Variants in GALNT13 observed in about 807,000 individuals in gnomAD.
GALNT13 encodes the protein polypeptide N-acetylgalactosaminyltransferase 13.
A neutral mutation model predicts 64.2 loss-of-function variants in GALNT13; 28 were observed. The observed-to-expected ratio is 0.44, with a 90% CI of 0.32 to 0.60. GALNT13 has a LOEUF of 0.60. Among genes scored for constraint, GALNT13 ranks in the 20% least tolerant of loss-of-function variants. The pLI is 0.05. For missense variants in GALNT13, 577 were observed against 669.8 expected (o/e 0.86, Z 1.53); for synonymous variants, 214 against 224.6 (o/e 0.95, Z 0.42).
chr2:153,575,491 G>A, the GALNT13 span, among the ~76,000 whole-genome samples: 1 of 152,176 alleles, frequency 6.6e-6, no homozygotes, highest in Admixed American at 6.5e-5. Context: ...TGGGTCCAGA[G>A]GTCCTGTGTG....
intron 7 of GALNT13, among the ~76,000 whole-genome samples, chr2:154,256,951 T>C (rs930590023): frequency 6.6e-6 from 1 of 152,180 alleles, no homozygotes; most frequent in African/African-American, 2.4e-5. Flanking sequence ...AATATTTTAT[T>C]AGGCATATTA....
chr2:154,043,455 T>TATATATATATATATATATATATACACAC (rs1341373277), intron 3 of GALNT13, among the ~76,000 whole-genome samples: 1 of 105,020 alleles, frequency 9.5e-6, no homozygotes, highest in Non-Finnish European at 1.8e-5. Context: ...TATATATATA[T>TATATATATATATATATATATATACACAC]ACACACATGT....
chr2:153,118,148 C>CACAG, the GALNT13 span, among the ~76,000 whole-genome samples: 1 of 145,438 alleles, frequency 6.9e-6, no homozygotes, highest in Admixed American at 6.9e-5. Context: ...CACACACACC[C>CACAG]CACATAAACC....
the GALNT13 span, among the ~76,000 whole-genome samples, chr2:153,523,043 A>ATTTTTTTTT: frequency 1.2e-3 from 103 of 83,362 alleles, 1 homozygote; most frequent in African/African-American, 1.8e-3. Flanking sequence ...TGTGTTTACT[A>ATTTTTTTTT]TTTTTTTTTT....
At chr2:153,384,670 A>C in the GALNT13 span, among the ~76,000 whole-genome samples, 1 of 152,082 alleles carries the variant, frequency 6.6e-6, no homozygotes, top group African/African-American at 2.4e-5. Context: ...AATTTAAAAA[A>C]CAATGTCCCA....
At chr2:154,225,277 A>T (rs2105832503) in intron 4 of GALNT13, among the ~76,000 whole-genome samples, 1 of 152,234 alleles carries the variant, frequency 6.6e-6, no homozygotes, top group African/African-American at 2.4e-5. Context: ...TTAAAAATGC[A>T]AGTTAAAACT....
At chr2:153,414,270 G>C in the GALNT13 span, among the ~76,000 whole-genome samples, 3 of 152,050 alleles carry the variant, frequency 2.0e-5, no homozygotes, top group Admixed American at 6.5e-5. Context: ...AGCTATTCAG[G>C]AGGCTGAGGC....
intron 3 of GALNT13, among the ~76,000 whole-genome samples, chr2:154,022,146 A>C (rs1004974000): frequency 6.6e-6 from 1 of 152,144 alleles, no homozygotes; most frequent in African/African-American, 2.4e-5. Flanking sequence ...TTCATCAAGG[A>C]TATTGGTCTA....
the GALNT13 span, among the ~76,000 whole-genome samples, chr2:153,523,612 T>G: frequency 1.7e-3 from 261 of 152,316 alleles, 1 homozygote; most frequent in African/African-American, 6.0e-3. Context: ...CAAATTCCAC[T>G]TGTTTATTGC....
At chr2:154,069,999 ATTAAAT>A (rs1185734479) in intron 3 of GALNT13, among the ~76,000 whole-genome samples, 2 of 152,118 alleles carry the variant, frequency 1.3e-5, no homozygotes, top group Non-Finnish European at 2.9e-5. Context: ...TAAAAGAAAA[ATTAAAT>A]TTAAAGAATG....
At chr2:154,002,500 A>G (rs1412005359) in intron 3 of GALNT13, among the ~76,000 whole-genome samples, 1 of 151,570 alleles carries the variant, frequency 6.6e-6, no homozygotes, top group Non-Finnish European at 1.5e-5. Flanking sequence ...TAAAATTTCT[A>G]TTTTTTATTG....
intron 4 of GALNT13, among the ~76,000 whole-genome samples, chr2:154,156,672 T>G (rs531901198): frequency 1.3e-5 from 2 of 152,288 alleles, no homozygotes; most frequent in East Asian, 1.9e-4. Context: ...GCTGTCTAAT[T>G]CTGAGTATTT....
the GALNT13 span, among the ~76,000 whole-genome samples, chr2:153,455,344 T>A: frequency 1.3e-5 from 2 of 152,218 alleles, no homozygotes; most frequent in Non-Finnish European, 2.9e-5. Flanking sequence ...AATATTTCCC[T>A]GACCCCTCTG....
At chr2:153,989,627 A>C (rs1158192710) in intron 3 of GALNT13, among the ~76,000 whole-genome samples, 1 of 151,992 alleles carries the variant, frequency 6.6e-6, no homozygotes, top group African/African-American at 2.4e-5. Flanking sequence ...ATATGGGTGT[A>C]GCAAGGCACA....
At chr2:153,089,306 T>A in the GALNT13 span, among the ~76,000 whole-genome samples, 1 of 152,194 alleles carries the variant, frequency 6.6e-6, no homozygotes, top group African/African-American at 2.4e-5. Flanking sequence ...GGGACCCCAG[T>A]CCCTTCTGGC....
chr2:154,068,245 C>A (rs1700566737), intron 3 of GALNT13, among the ~76,000 whole-genome samples: 1 of 151,820 alleles, frequency 6.6e-6, no homozygotes, highest in Non-Finnish European at 1.5e-5. Context: ...CAAAAGGGAG[C>A]CCTCATACCC....
chr2:154,406,086 A>G (rs910434760), intron 10 of GALNT13, among the ~76,000 whole-genome samples: 3 of 152,180 alleles, frequency 2.0e-5, no homozygotes, highest in Admixed American at 2.0e-4. Context: ...GCAAGAACTC[A>G]AGACTATTGT....
chr2:153,766,607 C>T, the GALNT13 span, among the ~76,000 whole-genome samples: 2 of 152,212 alleles, frequency 1.3e-5, no homozygotes, highest in East Asian at 3.9e-4. Context: ...TTCTAACTTA[C>T]TAATTCTTTT....
intron 11 of GALNT13, among the ~76,000 whole-genome samples, chr2:154,414,134 G>A (rs1254852351): frequency 6.6e-6 from 1 of 151,978 alleles, no homozygotes; most frequent in East Asian, 1.9e-4. Flanking sequence ...TTAGAAATAT[G>A]TCTAGAAGTA....
Sources: allele counts gnomAD v4.1 joint callset (sites outside exome capture counted in the v4.1 genomes callset), GRCh38; gene constraint gnomAD v4.1.1; transcripts MANE v1.5; gene names NCBI Gene and HGNC (gene_info 2026-07-23, HGNC 2026-07-21).